Variants in RAD51B observed in about 807,000 individuals in gnomAD.
The protein encoded by RAD51B is DNA repair protein RAD51 homolog 2.
RAD51B carries 38 observed loss-of-function variants against 42.2 expected under a neutral mutation model. The ratio of observed to expected loss-of-function variants is 0.90; its 90% CI spans 0.70 to 1.18. The LOEUF (loss-of-function observed/expected upper bound fraction) is 1.18. Ranked by LOEUF, RAD51B falls within the 50% of genes most tolerant of loss-of-function variation. RAD51B has a pLI of 0.00. For missense variants in RAD51B, 373 were observed against 400.7 expected, an observed-to-expected ratio of 0.93 and a Z score of 0.59; for synonymous variants, 154 against 145.2, an observed-to-expected ratio of 1.06 and a Z score of -0.43.
intron 7 of RAD51B, among the ~76,000 whole-genome samples, chr14:68,286,107 G>A (rs977914950): frequency 6.6e-6 from 1 of 152,202 alleles, no homozygotes; most frequent in Non-Finnish European, 1.5e-5. Context: ...TCTAGACCAT[G>A]ACATTAAGGC....
chr14:68,349,252 A>T (rs575542552), intron 8 of RAD51B, among the ~76,000 whole-genome samples: 1 of 152,340 alleles, frequency 6.6e-6, no homozygotes, highest in Admixed American at 6.5e-5. Flanking sequence ...GCTGAGTGTC[A>T]TTGTAAAATC....
At chr14:68,272,635 TTATATATATATATATATATATA>T (rs1196934518) in intron 7 of RAD51B, among the ~76,000 whole-genome samples, 8 of 19,852 alleles carry the variant, frequency 4.0e-4, no homozygotes, top group African/African-American at 1.4e-3. Context: ...TATAAACACT[TTATATATATATATATATATATA>T]TATATATATT....
At chr14:68,373,451 G>A (rs1006999139) in intron 8 of RAD51B, among the ~76,000 whole-genome samples, 1 of 152,186 alleles carries the variant, frequency 6.6e-6, no homozygotes, top group East Asian at 1.9e-4. Context: ...CTAAAAAAGT[G>A]AGTTTATGTC....
intron 8 of RAD51B, among the ~76,000 whole-genome samples, chr14:68,359,106 T>C (rs1007826491): frequency 3.3e-5 from 5 of 151,966 alleles, no homozygotes; most frequent in African/African-American, 1.2e-4. Context: ...AGTTTTATGA[T>C]GCATCTGAAA....
chr14:68,261,208 G>A lies in RAD51B; in HGVS notation c.757-30676G>A, dbSNP rs114779834. Among the ~76,000 whole-genome samples, 733 of 152,302 alleles carry A rather than the reference G, an allele frequency of 4.8e-3. 2 individuals are homozygous for A. The highest frequency in any genetic ancestry group is 0.016 in the African/African-American group (671 of 41,566). ...AGCCTAGTGTAGAAGTTATTGGCCC[G>A]CAGTTTTTACCGGCTTTCTCTTTCA... is the stretch of plus-strand genomic sequence containing the variant. On this transcript the variant is annotated intron_variant, in intron 7 of 10. Coordinates refer to ENST00000471583, the MANE Select transcript of RAD51B (RefSeq NM_133510.4).
At chr14:67,829,965 A>G (rs373559045) in intron 3 of RAD51B, among the ~76,000 whole-genome samples, 1 of 152,212 alleles carries the variant, frequency 6.6e-6, no homozygotes, top group East Asian at 1.9e-4. Flanking sequence ...TAGCTAAAAC[A>G]TGAAAGATGA....
intron 8 of RAD51B, among the ~76,000 whole-genome samples, chr14:68,348,551 A>G (rs1002116692): frequency 6.6e-6 from 1 of 152,272 alleles, no homozygotes; most frequent in Non-Finnish European, 1.5e-5. Flanking sequence ...TTGGGAGCTC[A>G]TAGGCATAAT....
intron 7 of RAD51B, among the ~76,000 whole-genome samples, chr14:67,952,755 A>G (rs2074477920): frequency 6.6e-6 from 1 of 152,172 alleles, no homozygotes; most frequent in South Asian, 2.1e-4. Context: ...AAATAGAACT[A>G]GTTGAAAATA....
intron 7 of RAD51B, among the ~76,000 whole-genome samples, chr14:68,147,775 G>A (rs968916120): frequency 4.8e-5 from 7 of 146,052 alleles, no homozygotes; most frequent in Non-Finnish European, 1.0e-4. Context: ...AGTGAAACAT[G>A]GAACCAAAAA....
intron 9 of RAD51B, among the ~76,000 whole-genome samples, chr14:68,412,420 GA>G (rs1033128659): frequency 6.6e-6 from 1 of 152,200 alleles, no homozygotes; most frequent in African/African-American, 2.4e-5. Flanking sequence ...ACAGAGGCAT[GA>G]AATGTCACAC....
rs748059984 is a variant in RAD51B, at chr14:68,468,269, G to A, written c.1036+19G>A. The A allele has an allele frequency of 6.2e-7, 1 of 1,600,612 alleles. No homozygotes were observed. The highest frequency in any genetic ancestry group is 1.1e-5 in the South Asian group (1 of 90,776). Reference sequence around the variant, plus strand: ...CTTCAAGGTAAGATCCTTGGATTAAGCCATTTCTTTAAGCTTATGCTCAGT... The same window carrying A: ...CTTCAAGGTAAGATCCTTGGATTAAACCATTTCTTTAAGCTTATGCTCAGT... On this transcript the variant is annotated intron_variant, in intron 10 of 10. Transcript: ENST00000471583.
chr14:67,854,524 CT>C (rs2041923358), intron 4 of RAD51B, among the ~76,000 whole-genome samples: 1 of 151,606 alleles, frequency 6.6e-6, no homozygotes, highest in Non-Finnish European at 1.5e-5. Flanking sequence ...GTGCCAGCTA[CT>C]TGGGAGGCTG....
chr14:68,229,295 C>T (rs1320554642), intron 7 of RAD51B, among the ~76,000 whole-genome samples: 2 of 152,168 alleles, frequency 1.3e-5, no homozygotes, highest in Admixed American at 1.3e-4. Context: ...AGTTGGAAAA[C>T]CTGGTCACTA....
At chr14:68,147,109 G>A (rs1196382796) in intron 7 of RAD51B, among the ~76,000 whole-genome samples, 13 of 152,138 alleles carry the variant, frequency 8.5e-5, no homozygotes, top group Non-Finnish European at 5.9e-5. Context: ...TCCACTTGAG[G>A]CATAACAGCC....
At chr14:68,627,133 C>T (rs1030635087) in intron 10 of RAD51B, 2 of 152,170 alleles carry the variant, frequency 1.3e-5, no homozygotes, top group African/African-American at 4.8e-5. Context: ...AACTAACCAG[C>T]CCACATTTAA....
intron 9 of RAD51B, among the ~76,000 whole-genome samples, chr14:68,454,049 A>C (rs1026345382): frequency 1.3e-5 from 2 of 152,242 alleles, no homozygotes; most frequent in African/African-American, 4.8e-5. Context: ...AGCACCTGGA[A>C]ATTAATAATA....
intron 4 of RAD51B, among the ~76,000 whole-genome samples, chr14:67,837,533 C>A (rs1393520688): frequency 1.3e-5 from 2 of 152,138 alleles, no homozygotes; most frequent in African/African-American, 4.8e-5. Flanking sequence ...TTAGTAGGGG[C>A]AAATTCTCTC....
chr14:68,201,236 C>T (rs984408856), intron 7 of RAD51B, among the ~76,000 whole-genome samples: 2 of 152,092 alleles, frequency 1.3e-5, no homozygotes, highest in African/African-American at 4.8e-5. Context: ...AAATGATTTG[C>T]ATCTTATGAG....
At chr14:68,371,036 C>CAAAAAAAAAAAAAA (rs75617123) in intron 8 of RAD51B, among the ~76,000 whole-genome samples, 4 of 26,078 alleles carry the variant, frequency 1.5e-4, no homozygotes, top group African/African-American at 2.0e-4. Flanking sequence ...GACTCTGTCT[C>CAAAAAAAAAAAAAA]AAAAAAAAAA....
Sources: gnomAD v4.1 joint callset for allele counts (sites outside exome capture counted in the v4.1 genomes callset) on GRCh38, gnomAD v4.1.1 for gene constraint, MANE v1.5 for transcripts, NCBI Gene and HGNC (gene_info 2026-07-23, HGNC 2026-07-21) for gene names.